RNF185: variants seen among roughly 807,000 people sequenced by gnomAD.
The protein encoded by RNF185 is ring finger protein 185, also known as E3 ubiquitin-protein ligase RNF185.
In RNF185, 13 loss-of-function variants were observed where a neutral mutation model predicts 24.9. That is an observed-to-expected ratio of 0.52 (90% CI 0.34 to 0.83). The LOEUF (loss-of-function observed/expected upper bound fraction) is 0.83, where lower values mean the gene tolerates loss of function less well. Ranked by LOEUF, RNF185 falls within the 40% of genes least tolerant of loss-of-function variation. The pLI, the probability that RNF185 is intolerant of heterozygous loss-of-function variation, is 0.01. For synonymous variants in RNF185, 79 were observed against 90.3 expected, an observed-to-expected ratio of 0.88 and a Z score of 0.71; for missense variants, 184 against 244.7, an observed-to-expected ratio of 0.75 and a Z score of 1.65.
At chr22:31,167,570 C>T (rs962280249) in intron 1 of RNF185, among the ~76,000 whole-genome samples, 2 of 149,402 alleles carry the variant, frequency 1.3e-5, no homozygotes, top group Non-Finnish European at 3.0e-5. Context: ...GAAAATCACA[C>T]AATGTATGAC....
At chr22:31,184,077 A>G (rs2048070389) in intron 1 of RNF185, among the ~76,000 whole-genome samples, 1 of 149,672 alleles carries the variant, frequency 6.7e-6, no homozygotes. Flanking sequence ...CCCTTCCCGG[A>G]CGGGGCGGCT....
At chr22:31,197,271 A>G (rs1000671833) in intron 5 of RNF185, 6 of 288,930 alleles carry the variant, frequency 2.1e-5, no homozygotes, top group Middle Eastern at 4.9e-4. Flanking sequence ...TATACTTTTT[A>G]CAGTTTTTGT....
intron 2 of RNF185, among the ~76,000 whole-genome samples, chr22:31,189,083 G>A (rs1449549910): frequency 1.3e-5 from 2 of 149,078 alleles, no homozygotes; most frequent in East Asian, 2.0e-4. Context: ...CTGAGATCGC[G>A]CCACTGCACT....
intron 1 of RNF185, among the ~76,000 whole-genome samples, chr22:31,165,177 C>G (rs921218358): frequency 2.6e-5 from 4 of 152,076 alleles, no homozygotes; most frequent in African/African-American, 9.7e-5. Flanking sequence ...CTCAGCCTCC[C>G]AAAGTGCTGG....
intron 1 of RNF185, among the ~76,000 whole-genome samples, chr22:31,176,780 G>A (rs1052980082): frequency 2.0e-5 from 3 of 152,138 alleles, no homozygotes; most frequent in African/African-American, 4.8e-5. Flanking sequence ...GAGCCACCGT[G>A]TCCAGCCCAT....
At chr22:31,189,751 G>GCGCACCACCA in intron 2 of RNF185, among the ~76,000 whole-genome samples, 1 of 151,486 alleles carries the variant, frequency 6.6e-6, no homozygotes, top group South Asian at 2.1e-4. Context: ...GATTACAGGT[G>GCGCACCACCA]CACCCAGCTA....
At chr22:31,170,826 ATATTTATT>A (rs1390427283) in intron 1 of RNF185, among the ~76,000 whole-genome samples, 1 of 151,884 alleles carries the variant, frequency 6.6e-6, no homozygotes, top group East Asian at 1.9e-4. Flanking sequence ...TTATTTTTTA[ATATTTATT>A]TATTTATTTT....
In RNF185 at chr22:31,173,416, G is replaced by GACACACACACACACACAC. The variant is rs55812227; in HGVS notation, c.-49+13122_-49+13139dup. 1.0e-3 allele frequency among the ~76,000 whole-genome samples: 153 copies of GACACACACACACACACAC among 146,892 alleles called. 3 individuals are homozygous for GACACACACACACACACAC. Among genetic ancestry groups the GACACACACACACACACAC allele is most frequent in the African/African-American group, 2.5e-3 (99 of 39,510 alleles). On this transcript the variant is annotated intron_variant, in intron 1 of 6. Coordinates refer to ENST00000326132, the MANE Select transcript of RNF185 (RefSeq NM_152267.4). The stretch of plus-strand genomic sequence containing the variant: ...CTGTCAACTCATTCACACACACACA[G>GACACACACACACACACAC]ACACACACACACACACACACACACA...
chr22:31,175,206 G>A (rs1378435007), intron 1 of RNF185, among the ~76,000 whole-genome samples: 2 of 151,996 alleles, frequency 1.3e-5, no homozygotes, highest in Non-Finnish European at 2.9e-5. Context: ...CAATTTGGGA[G>A]GCCAAGGCTG....
chr22:31,197,026 G>C (rs2048212207), intron 5 of RNF185, 36 bp downstream of exon 5: 3 of 1,612,666 alleles, frequency 1.9e-6, no homozygotes, highest in African/African-American at 2.7e-5. Flanking sequence ...CTACAAATGA[G>C]CTGATGGCTT....
At chr22:31,179,772 TGCCTGTGTGTAGGAGTATGG>T (rs1390870653) in intron 1 of RNF185, among the ~76,000 whole-genome samples, 1 of 152,228 alleles carries the variant, frequency 6.6e-6, no homozygotes, top group East Asian at 1.9e-4. Flanking sequence ...TGTCCCCTCA[TGCCTGTGTGTAGGAGTATGG>T]GCCATGCACA....
chr22:31,192,567 T>C, intron 2 of RNF185, 117 bp from the exon 3 acceptor site: 1 of 857,438 alleles, frequency 1.2e-6, no homozygotes, highest in South Asian at 1.4e-5. Flanking sequence ...TACTCCTGTT[T>C]TCTCATTCTG....
chr22:31,172,409 A>C (rs2147927554), intron 1 of RNF185, among the ~76,000 whole-genome samples: 1 of 151,532 alleles, frequency 6.6e-6, no homozygotes. Context: ...CTTCCTCATT[A>C]ATTTCTTTGT....
intron 4 of RNF185, 43 bp from the exon 5 acceptor site, chr22:31,196,893 A>G (rs1416369151): frequency 6.2e-7 from 1 of 1,608,000 alleles, no homozygotes; most frequent in East Asian, 2.2e-5. Flanking sequence ...GAGCAACTCA[A>G]AGCAATTTGT....
chr22:31,195,749 C>T (rs2048199988), intron 4 of RNF185, among the ~76,000 whole-genome samples, 168 bp downstream of exon 4: 1 of 152,164 alleles, frequency 6.6e-6, no homozygotes, highest in Non-Finnish European at 1.5e-5. Context: ...GAGAGGGGAT[C>T]CAAGTTGCCA....
At chr22:31,174,368 CT>C (rs1413258294) in intron 1 of RNF185, among the ~76,000 whole-genome samples, 2 of 105,004 alleles carry the variant, frequency 1.9e-5, no homozygotes, top group African/African-American at 8.8e-5. Context: ...CCATTTCACT[CT>C]TTAAAAAAAA....
At chr22:31,181,080 A>G (rs2048031864) in intron 1 of RNF185, among the ~76,000 whole-genome samples, 1 of 152,048 alleles carries the variant, frequency 6.6e-6, no homozygotes, top group Admixed American at 6.6e-5. Context: ...AATACCTTTT[A>G]TTGGGGCTAG....
intron 4 of RNF185, among the ~76,000 whole-genome samples, chr22:31,195,926 C>A (rs913921718): frequency 1.3e-5 from 2 of 152,170 alleles, no homozygotes; most frequent in Non-Finnish European, 2.9e-5. Flanking sequence ...GAAACAGGAT[C>A]TGGGTGACTT....
chr22:31,184,125 C>T (rs2048071256), intron 1 of RNF185, among the ~76,000 whole-genome samples: 1 of 150,714 alleles, frequency 6.6e-6, no homozygotes, highest in Non-Finnish European at 1.5e-5. Flanking sequence ...CTGGACGGGG[C>T]AGCTGCCGGG....
Sources: allele counts gnomAD v4.1 joint callset (sites outside exome capture counted in the v4.1 genomes callset), GRCh38; gene constraint gnomAD v4.1.1; transcripts MANE v1.5; gene names NCBI Gene and HGNC (gene_info 2026-07-23, HGNC 2026-07-21).